Variants in TMPRSS7 observed in about 807,000 individuals in gnomAD.
TMPRSS7 encodes the protein transmembrane protease serine 7.
Under a neutral mutation model 95.6 loss-of-function variants are expected in TMPRSS7, and 81 were observed. The ratio of observed to expected loss-of-function variants is 0.85; its 90% CI spans 0.71 to 1.02. The LOEUF is 1.02. Among genes scored for constraint, TMPRSS7 ranks in the 50% least tolerant of loss-of-function variants. TMPRSS7 has a pLI of 0.00. For missense variants in TMPRSS7, 945 were observed against 955.2 expected, an observed-to-expected ratio of 0.99 and a Z score of 0.14; for synonymous variants, 364 against 337.8, an observed-to-expected ratio of 1.08 and a Z score of -0.85.
intron 16 of TMPRSS7, among the ~76,000 whole-genome samples, chr3:112,078,449 C>T (rs182681520): frequency 3.1e-4 from 47 of 152,266 alleles, no homozygotes; most frequent in African/African-American, 9.9e-4. Flanking sequence ...TACCATCCTA[C>T]GGAAAACAGG....
chr3:112,054,956 G>T (rs950327854), intron 9 of TMPRSS7, among the ~76,000 whole-genome samples: 13 of 151,910 alleles, frequency 8.6e-5, no homozygotes, highest in African/African-American at 3.1e-4. Flanking sequence ...AGCCTGGATG[G>T]TCTCGATCTC....
chr3:112,050,823 C>A, intron 9 of TMPRSS7, 40 bp downstream of exon 9: 1 of 1,042,936 alleles, frequency 9.6e-7, no homozygotes, highest in Non-Finnish European at 1.4e-6. Context: ...AATATTACTG[C>A]TCTATTTTTA....
chr3:112,076,796 C>T, intron 15 of TMPRSS7, 80 bp from the exon 16 acceptor site: 1 of 1,518,844 alleles, frequency 6.6e-7, no homozygotes, highest in Non-Finnish European at 8.9e-7. Context: ...TTTCAGCCCT[C>T]AACTCTTTAG....
chr3:112,069,372 A>G (rs751223791), intron 13 of TMPRSS7, among the ~76,000 whole-genome samples: 10 of 152,106 alleles, frequency 6.6e-5, no homozygotes, highest in Non-Finnish European at 7.4e-5. Flanking sequence ...CTCTTTTTCT[A>G]TTGATTGGAA....
At chr3:112,047,306 G>T in intron 6 of TMPRSS7, 1 of 610,980 alleles carries the variant, frequency 1.6e-6, no homozygotes, top group East Asian at 3.4e-5. Context: ...CTCTTCCACT[G>T]TATTTGTAAC....
In TMPRSS7 at chr3:112,075,084, C is replaced by A. The variant is rs1261599808; in HGVS notation, c.1784-237C>A. On this transcript the variant is annotated intron_variant, in intron 14 of 17. Coordinates refer to ENST00000452346, the Ensembl canonical transcript of TMPRSS7. Reference sequence around the variant, plus strand: ...GTCAGTTCAGCTGTTACAGCAGGTCCCCCTCCTCCTCTCATCTGCGTTGTG... The same window carrying A: ...GTCAGTTCAGCTGTTACAGCAGGTCACCCTCCTCCTCTCATCTGCGTTGTG... 3.3e-5 allele frequency among the ~76,000 whole-genome samples: 5 copies of A among 152,170 alleles called. No individual in the cohort carries two copies. The East Asian group carries it at 7.7e-4, about 23-fold the overall frequency.
chr3:112,074,391 G>C, exon 14 of TMPRSS7: 1 of 1,612,966 alleles, frequency 6.2e-7, no homozygotes, highest in Non-Finnish European at 8.5e-7. Context: ...TTGTCCAGAT[G>C]GAAGTGATGA....
At chr3:112,038,278 C>T (rs1261796799) in exon 2 of TMPRSS7, 2 of 702,904 alleles carry the variant, frequency 2.8e-6, no homozygotes, top group East Asian at 2.7e-5. Context: ...TATTTTTATT[C>T]ATCCTAGCAG....
chr3:112,061,001 G>C (rs2107751732), intron 10 of TMPRSS7, among the ~76,000 whole-genome samples: 1 of 152,106 alleles, frequency 6.6e-6, no homozygotes, highest in South Asian at 2.1e-4. Flanking sequence ...CTCCATTCAG[G>C]GTCCCTGACT....
exon 10 of TMPRSS7, chr3:112,057,103 C>T: frequency 1.2e-6 from 2 of 1,612,350 alleles, no homozygotes; most frequent in Non-Finnish European, 1.7e-6. Flanking sequence ...AGGCTGTGAG[C>T]ATGGATGGTG....
chr3:112,036,607 T>C (rs1249104501), intron 1 of TMPRSS7, among the ~76,000 whole-genome samples: 1 of 151,240 alleles, frequency 6.6e-6, no homozygotes, highest in Admixed American at 6.6e-5. Flanking sequence ...TGTACACACA[T>C]GATTCTACCC....
Position 112,041,966 on chromosome 3 carries a change from C to G in TMPRSS7, c.345C>G (p.Arg115=). ...CTTTTTACTTTGCTGGGATGTTTCG[C>G]ATCACCAACATTGAGTTTCTTCCCG... The change falls in exon 3 of 18, where the codon CGC becomes CGG. Residue 115 remains arginine (R), a synonymous_variant. Transcript: ENST00000452346. 1.9e-6 allele frequency: 3 copies of G among 1,551,594 alleles called. No homozygotes were observed. The South Asian group carries it at 3.6e-5, about 18-fold the overall frequency.
At chr3:112,052,432 T>C (rs2073376053) in intron 9 of TMPRSS7, among the ~76,000 whole-genome samples, 1 of 151,922 alleles carries the variant, frequency 6.6e-6, no homozygotes, top group Non-Finnish European at 1.5e-5. Context: ...CCCAAACCTG[T>C]AAGTTGGTGT....
intron 14 of TMPRSS7, among the ~76,000 whole-genome samples, chr3:112,074,696 T>G (rs1237709058): frequency 1.3e-5 from 2 of 152,208 alleles, no homozygotes; most frequent in African/African-American, 4.8e-5. Flanking sequence ...AATAAAAACC[T>G]TGTGAGAAAA....
At chr3:112,075,257 T>A in intron 14 of TMPRSS7, 64 bp from the exon 15 acceptor site, 2 of 1,364,486 alleles carry the variant, frequency 1.5e-6, no homozygotes, top group Non-Finnish European at 1.9e-6. Flanking sequence ...GCACTAAAAC[T>A]GGCTTAACTT....
chr3:112,070,814 C>T (rs552978524), intron 13 of TMPRSS7, among the ~76,000 whole-genome samples: 7 of 152,272 alleles, frequency 4.6e-5, no homozygotes, highest in South Asian at 2.1e-4. Context: ...TTCTAGGGTG[C>T]GTGTGCACAA....
In TMPRSS7 at chr3:112,075,493, G is replaced by T. The variant is rs1298655958; in HGVS notation, c.1955+1G>T. ...CAGCCCACTGTTTTCATGGAAACAG[G>T]TAGGGCCTCACGGTCCTTACTTTCA... On this transcript the variant is annotated splice_donor_variant, in intron 15 of 17. Transcript: ENST00000452346. LOFTEE classifies it high-confidence loss of function. 1.4e-6 allele frequency: 2 copies of T among 1,456,736 alleles called. No homozygotes were observed. Among genetic ancestry groups the T allele is most frequent in the East Asian group, 2.7e-5 (1 of 37,524 alleles). 90.2% of individuals were successfully genotyped at this position (1,456,736 alleles called of 1,614,324 possible).
chr3:112,041,514 G>A (rs2073208485), intron 2 of TMPRSS7, among the ~76,000 whole-genome samples: 1 of 151,816 alleles, frequency 6.6e-6, no homozygotes, highest in Non-Finnish European at 1.5e-5. Flanking sequence ...TGTTTATTGA[G>A]CTTCAAAGCT....
At chr3:112,068,706 C>G (rs2073606123) in intron 13 of TMPRSS7, among the ~76,000 whole-genome samples, 1 of 152,120 alleles carries the variant, frequency 6.6e-6, no homozygotes. Flanking sequence ...TGCTTATCAG[C>G]TTAAGGAGAT....
Sources: gnomAD v4.1 joint callset for allele counts (sites outside exome capture counted in the v4.1 genomes callset) on GRCh38, gnomAD v4.1.1 for gene constraint, MANE v1.5 for transcripts, NCBI Gene and HGNC (gene_info 2026-07-23, HGNC 2026-07-21) for gene names.